The following CSMD3 variants were observed in gnomAD, a reference collection of about 807,000 sequenced individuals.
The protein encoded by CSMD3 is CUB and Sushi multiple domains 3.
A neutral mutation model predicts 435.2 loss-of-function variants in CSMD3; 177 were observed. The ratio of observed to expected loss-of-function variants is 0.41; its 90% CI spans 0.36 to 0.46. The LOEUF is 0.46. Ranked by LOEUF, CSMD3 falls within the 20% of genes least tolerant of loss-of-function variation. The pLI, the probability that CSMD3 is intolerant of heterozygous loss-of-function variation, is 0.34. For synonymous variants in CSMD3, 1,656 were observed against 1,520.5 expected, an observed-to-expected ratio of 1.09 and a Z score of -2.07; for missense variants, 4,265 against 4,504.6, an observed-to-expected ratio of 0.95 and a Z score of 1.52.
chr8:112,809,687 G>A (rs1587360900), intron 12 of CSMD3, among the ~76,000 whole-genome samples: 1 of 152,028 alleles, frequency 6.6e-6, no homozygotes, highest in Admixed American at 6.6e-5. Context: ...TGATTAAGAT[G>A]GGCTTAATGT....
intron 12 of CSMD3, among the ~76,000 whole-genome samples, chr8:112,810,993 C>T (rs2079209991): frequency 6.6e-6 from 1 of 151,910 alleles, no homozygotes; most frequent in Non-Finnish European, 1.5e-5. Context: ...CATGGCTAAT[C>T]AAGAATCTGC....
chr8:113,413,270 T>C (rs1267394465), intron 1 of CSMD3, among the ~76,000 whole-genome samples: 1 of 152,162 alleles, frequency 6.6e-6, no homozygotes, highest in Non-Finnish European at 1.5e-5. Flanking sequence ...TATGTTTTTA[T>C]TGTATTATTT....
At chr8:112,360,592 G>A (rs1257450037) in intron 38 of CSMD3, among the ~76,000 whole-genome samples, 3 of 151,768 alleles carry the variant, frequency 2.0e-5, no homozygotes, top group East Asian at 1.9e-4. Flanking sequence ...GATTACTGGT[G>A]ATTTGTATGT....
chr8:112,694,350 T>C (rs1023704689), intron 13 of CSMD3, among the ~76,000 whole-genome samples: 1 of 152,142 alleles, frequency 6.6e-6, no homozygotes, highest in African/African-American at 2.4e-5. Flanking sequence ...AACATTTATT[T>C]ATATGTTTAT....
At chr8:112,682,326 A>C in intron 16 of CSMD3, 116 bp downstream of exon 16, 1 of 857,718 alleles carries the variant, frequency 1.2e-6, no homozygotes, top group Non-Finnish European at 2.0e-6. Context: ...ATAGAATATC[A>C]AGAAATGTTT....
At chr8:113,099,815 G>T (rs2090277900) in intron 4 of CSMD3, among the ~76,000 whole-genome samples, 1 of 152,048 alleles carries the variant, frequency 6.6e-6, no homozygotes, top group Admixed American at 6.6e-5. Flanking sequence ...TGAAGCTGGG[G>T]CATTTGCCTT....
intron 61 of CSMD3, among the ~76,000 whole-genome samples, chr8:112,256,849 A>T (rs1316676473): frequency 6.6e-6 from 1 of 152,184 alleles, no homozygotes. Context: ...GTGTCCATAA[A>T]ATGCATCATC....
In CSMD3 at chr8:113,112,538, TG is replaced by T. The variant is rs1363434345; in HGVS notation, c.710-13576del. Among the ~76,000 whole-genome samples, 6 of 150,170 alleles carry T rather than the reference TG, an allele frequency of 4.0e-5. No homozygotes were observed. In the East Asian group the frequency reaches 1.2e-3, roughly 29 times the overall value. On this transcript the variant is annotated intron_variant, in intron 4 of 70. Transcript: ENST00000297405. ...CCTCAGCAAGAGTTGCTCTTTATTT[TG>T]TGTTGCAACTCCAGTTGCAATTGTC...
chr8:112,432,086 C>T (rs1034212026), intron 32 of CSMD3, among the ~76,000 whole-genome samples: 3 of 151,726 alleles, frequency 2.0e-5, no homozygotes, highest in African/African-American at 7.3e-5. Flanking sequence ...TGAGAACTAA[C>T]AAATACCTCC....
intron 27 of CSMD3, among the ~76,000 whole-genome samples, chr8:112,522,370 T>C (rs1047373388): frequency 6.6e-6 from 1 of 151,944 alleles, no homozygotes; most frequent in Admixed American, 6.6e-5. Context: ...TGAGAAAGCA[T>C]ATATTACTTA....
At chr8:112,502,237 T>C (rs1307155376) in intron 30 of CSMD3, among the ~76,000 whole-genome samples, 4 of 152,172 alleles carry the variant, frequency 2.6e-5, no homozygotes, top group African/African-American at 9.7e-5. Flanking sequence ...AGGTCTAAAC[T>C]TCCCCCAAGC....
chr8:113,334,062 T>A (rs1437768648), intron 1 of CSMD3, among the ~76,000 whole-genome samples: 2 of 151,914 alleles, frequency 1.3e-5, no homozygotes, highest in Non-Finnish European at 2.9e-5. Flanking sequence ...TGTCTACATG[T>A]TCACTGCTAC....
chr8:112,489,513 A>G, intron 31 of CSMD3, among the ~76,000 whole-genome samples: 2 of 152,306 alleles, frequency 1.3e-5, no homozygotes, highest in South Asian at 4.1e-4. Context: ...GATATGTGAC[A>G]TTGATTAAGA....
chr8:113,376,648 G>A (rs1373562777), intron 1 of CSMD3: 10 of 1,439,436 alleles, frequency 6.9e-6, no homozygotes, highest in Non-Finnish European at 6.8e-6. Flanking sequence ...TTCCAGACCT[G>A]GCCAGGCAGG....
At chr8:112,270,365 T>A (rs1817393372) in intron 59 of CSMD3, among the ~76,000 whole-genome samples, 1 of 148,584 alleles carries the variant, frequency 6.7e-6, no homozygotes, top group African/African-American at 2.5e-5. Context: ...TGTGTGTGTG[T>A]GTGTGTGTGT....
At chr8:112,771,639 CTA>C (rs1375145704) in intron 13 of CSMD3, among the ~76,000 whole-genome samples, 1 of 152,042 alleles carries the variant, frequency 6.6e-6, no homozygotes, top group African/African-American at 2.4e-5. Flanking sequence ...TACTCTTTCT[CTA>C]TACGTATGTA....
chr8:112,366,057 C>G (rs1273194486), intron 38 of CSMD3, among the ~76,000 whole-genome samples: 1 of 152,118 alleles, frequency 6.6e-6, no homozygotes, highest in Non-Finnish European at 1.5e-5. Context: ...GGAGATGAAA[C>G]ATGGCTTTAC....
intron 68 of CSMD3, among the ~76,000 whole-genome samples, chr8:112,232,676 C>T (rs186346484): frequency 1.3e-5 from 2 of 152,254 alleles, no homozygotes; most frequent in East Asian, 3.9e-4. Flanking sequence ...ATATTAAAAA[C>T]CACTGAATTG....
At chr8:113,097,048 T>C (rs1168891975) in intron 5 of CSMD3, among the ~76,000 whole-genome samples, 1 of 152,066 alleles carries the variant, frequency 6.6e-6, no homozygotes, top group Non-Finnish European at 1.5e-5. Flanking sequence ...AATGGGTAAG[T>C]CATGTCACCT....
Sources: allele counts gnomAD v4.1 joint callset (sites outside exome capture counted in the v4.1 genomes callset), GRCh38; gene constraint gnomAD v4.1.1; transcripts MANE v1.5; gene names NCBI Gene and HGNC (gene_info 2026-07-23, HGNC 2026-07-21).